The following FAM227B variants were observed in gnomAD, a reference collection of about 807,000 sequenced individuals.
FAM227B encodes the protein protein FAM227B.
In FAM227B, 88 loss-of-function variants were observed where a neutral mutation model predicts 73.8. The observed-to-expected ratio is 1.19, with a 90% confidence interval of 1.00 to 1.42. The LOEUF (loss-of-function observed/expected upper bound fraction) is 1.42, where lower values mean the gene tolerates loss of function less well. FAM227B is among the 40% of genes most tolerant of loss of function. The pLI is 0.00. For synonymous variants in FAM227B, 210 were observed against 190.5 expected, an observed-to-expected ratio of 1.10 and a Z score of -0.84; for missense variants, 632 against 590.9, an observed-to-expected ratio of 1.07 and a Z score of -0.72.
intron 3 of FAM227B, among the ~76,000 whole-genome samples, chr15:49,591,478 T>C (rs2076569086): frequency 7.6e-6 from 1 of 132,056 alleles, no homozygotes; most frequent in Non-Finnish European, 1.6e-5. Context: ...ACCTGGCCCT[T>C]CCTTCCTTTT....
intron 11 of FAM227B, among the ~76,000 whole-genome samples, chr15:49,453,174 T>C (rs772487139): frequency 6.6e-5 from 10 of 152,162 alleles, no homozygotes; most frequent in Admixed American, 2.0e-4. Context: ...TAATAACAAC[T>C]GTATTTTTCT....
chr15:49,416,196 G>T (rs971318208), intron 11 of FAM227B, among the ~76,000 whole-genome samples: 1 of 133,942 alleles, frequency 7.5e-6, no homozygotes, highest in Admixed American at 8.8e-5. Context: ...TCACTGGAAT[G>T]CATGCTCTGT....
At chr15:49,556,247 CT>C (rs1426700948) in intron 9 of FAM227B, among the ~76,000 whole-genome samples, 1 of 144,704 alleles carries the variant, frequency 6.9e-6, no homozygotes, top group Admixed American at 6.9e-5. Context: ...ATTTTTTTTT[CT>C]TTTATCTTAT....
At chr15:49,331,900 G>T (rs112313330) in intron 14 of FAM227B, 51 bp from the exon 15 acceptor site, 6 of 1,051,672 alleles carry the variant, frequency 5.7e-6, no homozygotes, top group South Asian at 5.1e-5. Context: ...TCCTTATATT[G>T]ACACCATCTA....
At chr15:49,554,984 G>C (rs914607950) in intron 9 of FAM227B, among the ~76,000 whole-genome samples, 2 of 152,128 alleles carry the variant, frequency 1.3e-5, no homozygotes, top group African/African-American at 4.8e-5. Context: ...CACTGTATGT[G>C]AGATTGGTCT....
rs576126223 is a variant in FAM227B at position 49,426,381 on chromosome 15, G to T, written c.1013-54982C>A. On this transcript the variant is annotated intron_variant, in intron 11 of 15. Transcript: ENST00000299338. Reference sequence around the variant, plus strand: ...AACTAATTTCAAATTATAGCAATAAGGTTACCAAACCTTAACTGTGGAATT... The same window carrying T: ...AACTAATTTCAAATTATAGCAATAATGTTACCAAACCTTAACTGTGGAATT... Among the ~76,000 whole-genome samples, 136 of 151,956 alleles carry T rather than the reference G, an allele frequency of 8.9e-4. 5 individuals are homozygous for T. In the South Asian group the frequency reaches 0.027, roughly 30 times the overall value.
chr15:49,594,207 T>C (rs2076760186), intron 3 of FAM227B, among the ~76,000 whole-genome samples: 1 of 152,220 alleles, frequency 6.6e-6, no homozygotes, highest in Admixed American at 6.5e-5. Flanking sequence ...ACAGGTTTTT[T>C]GGCCATTTGT....
chr15:49,356,287 G>A (rs1339992508), intron 13 of FAM227B, among the ~76,000 whole-genome samples: 2 of 151,514 alleles, frequency 1.3e-5, no homozygotes, highest in African/African-American at 4.9e-5. Context: ...ACACAGACTG[G>A]CAAATTGGAT....
At chr15:49,376,634 C>T (rs2151499605) in intron 11 of FAM227B, among the ~76,000 whole-genome samples, 1 of 152,056 alleles carries the variant, frequency 6.6e-6, no homozygotes, top group East Asian at 1.9e-4. Flanking sequence ...AATTTCTATA[C>T]CATTCTCAAA....
At chr15:49,480,702 T>C (rs561719288) in intron 11 of FAM227B, among the ~76,000 whole-genome samples, 12 of 152,158 alleles carry the variant, frequency 7.9e-5, no homozygotes, top group African/African-American at 2.9e-4. Flanking sequence ...AGGTTAGTAT[T>C]GAATTCCTGA....
Position 49,568,302 on chromosome 15 carries a change from T to A in FAM227B, c.690A>T (p.Glu230Asp). The A allele has an allele frequency of 1.2e-6, 2 of 1,611,390 alleles. No homozygotes were observed. Among genetic ancestry groups the A allele is most frequent in the Non-Finnish European group, 1.7e-6 (2 of 1,178,806 alleles). The change falls in exon 9 of 16, where the codon GAA becomes GAT. Residue 230 changes from glutamate (E) to aspartate (D), a missense_variant. Physicochemically the swap from Glu to Asp is conservative, Grantham distance 45. Transcript: ENST00000299338. ...TGCTCATGAAAAGTGTCACATAACTTTCTGAAATTCTATCGAATAAGCAAT... is the reference window on the plus strand; with the variant it reads ...TGCTCATGAAAAGTGTCACATAACTATCTGAAATTCTATCGAATAAGCAAT... ...NQDCLFDRIS[E>D]SYVTLFMSIP...
Position 49,613,294 on chromosome 15 carries a change from T to A in FAM227B, c.51+1827A>T, listed in dbSNP as rs370161900. 5.3e-5 allele frequency among the ~76,000 whole-genome samples: 8 copies of A among 152,256 alleles called. No individual in the cohort carries two copies. In the East Asian group the frequency reaches 1.2e-3, roughly 22 times the overall value. ...CTTTGGGAGGCCAAGGCAGGTGGAT[T>A]GCTTGAGGTCAACAGTACAAGAGAC... On this transcript the variant is annotated intron_variant, in intron 2 of 15. Transcript: ENST00000299338.
chr15:49,400,639 G>T (rs1462344033), intron 11 of FAM227B, among the ~76,000 whole-genome samples: 1 of 119,306 alleles, frequency 8.4e-6, no homozygotes, highest in Non-Finnish European at 1.8e-5. Context: ...CATGGTACTG[G>T]TACCAAAACA....
intron 11 of FAM227B, among the ~76,000 whole-genome samples, chr15:49,381,104 A>T (rs1173660581): frequency 6.6e-6 from 1 of 152,092 alleles, no homozygotes; most frequent in African/African-American, 2.4e-5. Flanking sequence ...CAACTGATCA[A>T]CTGATCTCAC....
At chr15:49,549,184 A>AT (rs1278160370) in intron 9 of FAM227B, among the ~76,000 whole-genome samples, 5 of 151,950 alleles carry the variant, frequency 3.3e-5, no homozygotes, top group Admixed American at 2.0e-4. Context: ...TATTCCATGG[A>AT]TTTTGGCATG....
intron 13 of FAM227B, among the ~76,000 whole-genome samples, chr15:49,367,111 G>A (rs941023464): frequency 7.2e-5 from 11 of 152,276 alleles, no homozygotes; most frequent in African/African-American, 2.6e-4. Context: ...AAGGCTAGAA[G>A]CCCATGCCTC....
intron 14 of FAM227B, among the ~76,000 whole-genome samples, 156 bp downstream of exon 14, chr15:49,335,263 C>T (rs1332319992): frequency 6.6e-6 from 1 of 152,134 alleles, no homozygotes; most frequent in Non-Finnish European, 1.5e-5. Context: ...CAACATACAC[C>T]CTTGACACTT....
At chr15:49,347,164 A>T (rs1407665128) in intron 13 of FAM227B, among the ~76,000 whole-genome samples, 1 of 152,230 alleles carries the variant, frequency 6.6e-6, no homozygotes, top group Non-Finnish European at 1.5e-5. Flanking sequence ...GGGAAGGGCT[A>T]TTGAAAACAT....
At chr15:49,511,510 A>G (rs2058997553) in intron 10 of FAM227B, among the ~76,000 whole-genome samples, 1 of 152,052 alleles carries the variant, frequency 6.6e-6, no homozygotes, top group African/African-American at 2.4e-5. Context: ...CAGGTTTGTT[A>G]TATAGATAAA....
Sources: allele counts gnomAD v4.1 joint callset (sites outside exome capture counted in the v4.1 genomes callset), GRCh38; gene constraint gnomAD v4.1.1; transcripts MANE v1.5; gene names NCBI Gene and HGNC (gene_info 2026-07-23, HGNC 2026-07-21).